CNTN5: variants seen among roughly 807,000 people sequenced by gnomAD.
CNTN5 encodes contactin 5.
Under a neutral mutation model 129.1 loss-of-function variants are expected in CNTN5, and 77 were observed. The ratio of observed to expected loss-of-function variants is 0.60; its 90% CI spans 0.50 to 0.72. CNTN5 has a LOEUF of 0.72. Among genes scored for constraint, CNTN5 ranks in the 30% least tolerant of loss-of-function variants. The probability of loss-of-function intolerance (pLI) is 0.00; values close to 1 mark genes in which losing one functional copy is unlikely to be tolerated. For missense variants in CNTN5, 1,478 were observed against 1,328.8 expected (o/e 1.11, Z -1.75); for synonymous variants, 509 against 465.6 (o/e 1.09, Z -1.20).
chr11:99,812,268 G>A (rs1946450863), intron 3 of CNTN5, among the ~76,000 whole-genome samples: 1 of 151,978 alleles, frequency 6.6e-6, no homozygotes, highest in Non-Finnish European at 1.5e-5. Flanking sequence ...CACCTGTTAG[G>A]AAAATAAAAA....
At chr11:100,051,712 A>T (rs1460013882) in intron 9 of CNTN5, among the ~76,000 whole-genome samples, 1 of 151,928 alleles carries the variant, frequency 6.6e-6, no homozygotes, top group African/African-American at 2.4e-5. Context: ...ACTGATACAC[A>T]TCAAAAACAA....
chr11:99,213,640 G>T (rs575169765), intron 1 of CNTN5, among the ~76,000 whole-genome samples: 1 of 151,882 alleles, frequency 6.6e-6, no homozygotes, highest in African/African-American at 2.4e-5. Context: ...AGTCAGGAAA[G>T]CCATAGTAGT....
At chr11:100,173,313 C>A (rs1947874983) in intron 13 of CNTN5, among the ~76,000 whole-genome samples, 1 of 152,078 alleles carries the variant, frequency 6.6e-6, no homozygotes, top group Non-Finnish European at 1.5e-5. Context: ...TTAACCTAAC[C>A]TTCCTACCTC....
chr11:99,619,062 C>T (rs1048652030), intron 3 of CNTN5, among the ~76,000 whole-genome samples: 45 of 151,920 alleles, frequency 3.0e-4, no homozygotes, highest in African/African-American at 1.0e-3. Flanking sequence ...CATTTAATGT[C>T]ACCAAATGGA....
intron 2 of CNTN5, among the ~76,000 whole-genome samples, chr11:99,513,235 T>C (rs960692955): frequency 1.8e-4 from 28 of 151,994 alleles, no homozygotes. Flanking sequence ...GCTGACAGAG[T>C]TGAGGAAGCT....
intron 2 of CNTN5, among the ~76,000 whole-genome samples, chr11:99,483,495 C>A (rs1450920278): frequency 1.3e-5 from 2 of 152,134 alleles, no homozygotes; most frequent in Non-Finnish European, 2.9e-5. Context: ...AGTGCACATT[C>A]TTGAGCCCAC....
At chr11:99,941,586 A>ACACACACACACACACACACACAC (rs1555163260) in intron 7 of CNTN5, among the ~76,000 whole-genome samples, 16 of 152,002 alleles carry the variant, frequency 1.1e-4, no homozygotes, top group East Asian at 3.9e-4. Flanking sequence ...ACACACACAC[A>ACACACACACACACACACACACAC]AAGAGAAAGA....
rs1186386021 is a variant in CNTN5 at position 99,358,255 on chromosome 11, ATTTTTT to A, written c.-71+32786_-71+32791del. ...AGGCGCCCGCCACCACGCCCTGCTG[ATTTTTT>A]TTTTTTTTTTTTTTAGTAGAGATGG... On this transcript the variant is annotated intron_variant, in intron 2 of 24. Coordinates refer to ENST00000524871, the MANE Select transcript of CNTN5 (RefSeq NM_014361.4). 6.1e-3 allele frequency among the ~76,000 whole-genome samples: 287 copies of A among 46,924 alleles called. 38 individuals are homozygous for A. The highest frequency in any genetic ancestry group is 7.4e-3 in the Non-Finnish European group (179 of 24,096). The allele number at this position is 46,924 out of a possible 152,430, so 30.8% of individuals were successfully genotyped here. A position where few individuals can be genotyped will look rare whatever the true frequency, so the allele number is the denominator to read the frequency against.
At chr11:99,614,338 G>A (rs1296333082) in intron 3 of CNTN5, among the ~76,000 whole-genome samples, 1 of 152,090 alleles carries the variant, frequency 6.6e-6, no homozygotes, top group East Asian at 1.9e-4. Context: ...CAGAGTAAAG[G>A]GAAAAATAAA....
At chr11:99,334,246 T>C (rs1282369982) in intron 2 of CNTN5, among the ~76,000 whole-genome samples, 2 of 152,058 alleles carry the variant, frequency 1.3e-5, no homozygotes, top group East Asian at 1.9e-4. Flanking sequence ...TGTGAGAAGA[T>C]AGATGGGCCT....
At chr11:99,442,606 T>A (rs560941948) in intron 2 of CNTN5, among the ~76,000 whole-genome samples, 1 of 152,348 alleles carries the variant, frequency 6.6e-6, no homozygotes, top group Non-Finnish European at 1.5e-5. Context: ...ACTCTATTCG[T>A]CTATGTATGC....
chr11:99,228,162 T>C (rs11218917), intron 1 of CNTN5, among the ~76,000 whole-genome samples: 24,575 of 152,030 alleles, frequency 0.16, 2,091 homozygotes, highest in South Asian at 0.24. Context: ...AAGAAATGGA[T>C]TTACCTGTAT....
intron 8 of CNTN5, among the ~76,000 whole-genome samples, chr11:99,983,323 G>A (rs1478726470): frequency 6.6e-6 from 1 of 152,198 alleles, no homozygotes; most frequent in African/African-American, 2.4e-5. Flanking sequence ...GTCATGGTTA[G>A]TTTATGGAGT....
At chr11:100,040,777 A>T (rs754441355) in intron 9 of CNTN5, among the ~76,000 whole-genome samples, 4 of 150,908 alleles carry the variant, frequency 2.7e-5, no homozygotes, top group Admixed American at 6.6e-5. Context: ...CTCCTAGCCA[A>T]GTGCGGGATA....
intron 1 of CNTN5, among the ~76,000 whole-genome samples, chr11:99,183,611 A>G (rs530405376): frequency 6.6e-6 from 1 of 152,186 alleles, no homozygotes; most frequent in South Asian, 2.1e-4. Flanking sequence ...GTCTTCTCTT[A>G]ATGACCCCTA....
intron 1 of CNTN5, among the ~76,000 whole-genome samples, chr11:99,182,598 C>T (rs1371864982): frequency 6.6e-6 from 1 of 152,086 alleles, no homozygotes; most frequent in Non-Finnish European, 1.5e-5. Context: ...TGCCAGATGT[C>T]TAGAGTCCCT....
At chr11:99,865,703 A>C (rs1948336723) in intron 6 of CNTN5, among the ~76,000 whole-genome samples, 1 of 152,084 alleles carries the variant, frequency 6.6e-6, no homozygotes, top group Non-Finnish European at 1.5e-5. Context: ...CTTCTAAAGT[A>C]TAAACTAAAA....
chr11:99,728,141 C>T (rs761295127), intron 3 of CNTN5, among the ~76,000 whole-genome samples: 8 of 151,796 alleles, frequency 5.3e-5, no homozygotes, highest in South Asian at 2.1e-4. Flanking sequence ...GTTAAGAGTA[C>T]GTTGCAAAAA....
chr11:99,577,477 G>T (rs1263280492), intron 3 of CNTN5, among the ~76,000 whole-genome samples: 1 of 152,104 alleles, frequency 6.6e-6, no homozygotes, highest in Non-Finnish European at 1.5e-5. Context: ...CTAGATTAAC[G>T]TACAGAGTTA....
Sources: gnomAD v4.1 joint callset for allele counts (sites outside exome capture counted in the v4.1 genomes callset) on GRCh38, gnomAD v4.1.1 for gene constraint, MANE v1.5 for transcripts, NCBI Gene and HGNC (gene_info 2026-07-23, HGNC 2026-07-21) for gene names.